Variants in TTC28 observed in about 807,000 individuals in gnomAD.
TTC28 encodes tetratricopeptide repeat protein 28.
TTC28 carries 61 observed loss-of-function variants against 198.0 expected under a neutral mutation model. The observed-to-expected ratio is 0.31, with a 90% CI of 0.25 to 0.38. TTC28 has a LOEUF of 0.38. TTC28 is among the 10% of genes least tolerant of loss of function. The pLI, the probability that TTC28 is intolerant of heterozygous loss-of-function variation, is 1.00. For missense variants in TTC28, 2,678 were observed against 3,164.0 expected, an observed-to-expected ratio of 0.85 and a Z score of 3.69; for synonymous variants, 1,171 against 1,297.8, an observed-to-expected ratio of 0.90 and a Z score of 2.10.
At chr22:28,402,277 A>G (rs914194530) in intron 2 of TTC28, among the ~76,000 whole-genome samples, 1 of 152,228 alleles carries the variant, frequency 6.6e-6, no homozygotes, top group Non-Finnish European at 1.5e-5. Flanking sequence ...CCTGGTGTCC[A>G]CAGTGAATAA....
intron 2 of TTC28, among the ~76,000 whole-genome samples, chr22:28,620,868 A>C (rs1377715762): frequency 6.6e-6 from 1 of 152,312 alleles, no homozygotes; most frequent in East Asian, 1.9e-4. Context: ...GTTCCTGCTC[A>C]TTCCTCTCCT....
chr22:28,245,066 A>T (rs1249706740), intron 5 of TTC28, among the ~76,000 whole-genome samples: 1 of 152,200 alleles, frequency 6.6e-6, no homozygotes, highest in East Asian at 1.9e-4. Context: ...CTAGAACAGA[A>T]TGTGGAGAGA....
At chr22:28,553,738 C>A (rs891002662) in intron 2 of TTC28, among the ~76,000 whole-genome samples, 1 of 151,588 alleles carries the variant, frequency 6.6e-6, no homozygotes, top group Non-Finnish European at 1.5e-5. Context: ...CTGCCCCGTC[C>A]GGGAGGGAGG....
intron 1 of TTC28, among the ~76,000 whole-genome samples, chr22:28,671,589 C>T (rs948036621): frequency 2.7e-5 from 4 of 147,726 alleles, no homozygotes; most frequent in Admixed American, 2.7e-4. Context: ...GAGCCGAGAT[C>T]GCACCACTGC....
chr22:28,116,117 T>C (rs1942621490), intron 6 of TTC28, among the ~76,000 whole-genome samples: 1 of 152,282 alleles, frequency 6.6e-6, no homozygotes, highest in African/African-American at 2.4e-5. Flanking sequence ...TGATGCTAAC[T>C]GGGAGCAGGG....
intron 2 of TTC28, among the ~76,000 whole-genome samples, chr22:28,571,464 ATATT>A (rs1236581873): frequency 1.3e-5 from 2 of 152,170 alleles, no homozygotes; most frequent in Non-Finnish European, 2.9e-5. Flanking sequence ...CCCACCATAA[ATATT>A]AGAGGTTTAA....
chr22:28,490,759 TATTA>T (rs1367634882), intron 2 of TTC28, among the ~76,000 whole-genome samples: 5 of 152,190 alleles, frequency 3.3e-5, no homozygotes, highest in African/African-American at 1.2e-4. Context: ...TAGGCTCCCT[TATTA>T]ATTGAGTAAA....
At chr22:28,585,516 T>C (rs2050301367) in intron 2 of TTC28, among the ~76,000 whole-genome samples, 1 of 152,136 alleles carries the variant, frequency 6.6e-6, no homozygotes, top group Non-Finnish European at 1.5e-5. Context: ...CGGCTGTAAA[T>C]GCAGATGAAG....
chr22:28,238,988 T>C (rs134184), intron 5 of TTC28, among the ~76,000 whole-genome samples: 23,698 of 152,162 alleles, frequency 0.16, 2,245 homozygotes, highest in East Asian at 0.28. Flanking sequence ...CCTTACGACA[T>C]GACCTGCAAA....
At chr22:28,124,628 C>T (rs1248692812) in intron 6 of TTC28, among the ~76,000 whole-genome samples, 5 of 152,162 alleles carry the variant, frequency 3.3e-5, no homozygotes, top group Admixed American at 3.3e-4. Flanking sequence ...AAGCTCTTAA[C>T]CAGTACACTC....
intron 6 of TTC28, among the ~76,000 whole-genome samples, chr22:28,112,026 C>G (rs915202933): frequency 5.3e-5 from 8 of 152,168 alleles, no homozygotes; most frequent in African/African-American, 1.9e-4. Flanking sequence ...TGTTTACAAG[C>G]CTGGCTCCCA....
rs62237561 is a variant in TTC28 at position 28,004,691 on chromosome 22, G to A, written c.4219-3138C>T. ...GGGGAGACGGGTAGAACAGCAGGCTGACAGCTGCCGTTCAAAGGGGGAAAC... is the reference window on the plus strand; with the variant it reads ...GGGGAGACGGGTAGAACAGCAGGCTAACAGCTGCCGTTCAAAGGGGGAAAC... On this transcript the variant is annotated intron_variant, in intron 14 of 22. Coordinates refer to ENST00000397906, the MANE Select transcript of TTC28 (RefSeq NM_001145418.2). Among the ~76,000 whole-genome samples the A allele has an allele frequency of 2.5e-3, 377 of 152,312 alleles. 1 individual carries two copies. The highest frequency in any genetic ancestry group is 3.7e-3 in the Non-Finnish European group (255 of 68,020).
chr22:28,678,889 A>C (rs944210061), intron 1 of TTC28, among the ~76,000 whole-genome samples: 3 of 152,134 alleles, frequency 2.0e-5, no homozygotes, highest in African/African-American at 4.8e-5. Flanking sequence ...GTTTAAGTTC[A>C]AAATCGGCTT....
rs1928393644 is a variant in TTC28, at chr22:28,226,996, G to C, written c.934-63397C>G. 2.0e-5 allele frequency among the ~76,000 whole-genome samples: 3 copies of C among 152,112 alleles called. 1 individual carries two copies. The South Asian group carries it at 6.2e-4, about 32-fold the overall frequency. ...GCTGGAGTGCAGTAGAGCAATCATA[G>C]CTCACTGTAACCTCAAACTCCTGGC... On this transcript the variant is annotated intron_variant, in intron 5 of 22. Coordinates refer to ENST00000397906, the MANE Select transcript of TTC28 (RefSeq NM_001145418.2).
intron 13 of TTC28, among the ~76,000 whole-genome samples, chr22:28,023,067 C>G (rs1334205941): frequency 6.6e-6 from 1 of 152,222 alleles, no homozygotes; most frequent in Non-Finnish European, 1.5e-5. Flanking sequence ...GTGCCTGGCT[C>G]CTCTCAAGCC....
chr22:27,996,654 G>A (rs921136396), intron 16 of TTC28, among the ~76,000 whole-genome samples: 2 of 151,118 alleles, frequency 1.3e-5, no homozygotes, highest in African/African-American at 4.8e-5. Context: ...ATGGGGAGGT[G>A]GGGAGCGGCT....
At chr22:28,216,785 G>T (rs1034677874) in intron 5 of TTC28, among the ~76,000 whole-genome samples, 1 of 152,088 alleles carries the variant, frequency 6.6e-6, no homozygotes, top group Non-Finnish European at 1.5e-5. Flanking sequence ...ACAGTGGTGT[G>T]ATCACATCTT....
At chr22:28,113,265 A>T (rs1942537630) in intron 6 of TTC28, among the ~76,000 whole-genome samples, 1 of 152,188 alleles carries the variant, frequency 6.6e-6, no homozygotes. Flanking sequence ...TGAAAGTGTT[A>T]CAGTCATGAT....
chr22:27,993,113 G>C, intron 18 of TTC28, 174 bp downstream of exon 18: 1 of 635,508 alleles, frequency 1.6e-6, no homozygotes, highest in Non-Finnish European at 2.7e-6. Flanking sequence ...AATGGCACTT[G>C]TTTCCTCCAG....
Sources: allele counts gnomAD v4.1 joint callset (sites outside exome capture counted in the v4.1 genomes callset), GRCh38; gene constraint gnomAD v4.1.1; transcripts MANE v1.5; gene names NCBI Gene and HGNC (gene_info 2026-07-23, HGNC 2026-07-21).